Variants in SFMBT2 observed in about 807,000 individuals in gnomAD.
SFMBT2 encodes the protein scm-like with four MBT domains protein 2.
Under a neutral mutation model 110.1 loss-of-function variants are expected in SFMBT2, and 38 were observed. That is an observed-to-expected ratio of 0.35 (90% confidence interval 0.27 to 0.45). The LOEUF is 0.45. SFMBT2 is among the 20% of genes least tolerant of loss of function. The pLI, the probability that SFMBT2 is intolerant of heterozygous loss-of-function variation, is 1.00. For synonymous variants in SFMBT2, 425 were observed against 425.4 expected (o/e 1.00, Z 0.01); for missense variants, 1,011 against 1,094.9 (o/e 0.92, Z 1.08).
chr10:7,289,868 C>T (rs1287955800), intron 4 of SFMBT2, among the ~76,000 whole-genome samples: 1 of 152,158 alleles, frequency 6.6e-6, no homozygotes, highest in Non-Finnish European at 1.5e-5. Flanking sequence ...CCTTGCAAGT[C>T]CTTAGAATTC....
intron 4 of SFMBT2, among the ~76,000 whole-genome samples, chr10:7,290,306 ATTTTTT>A (rs2050262538): frequency 6.6e-6 from 1 of 151,976 alleles, no homozygotes; most frequent in African/African-American, 2.4e-5. Flanking sequence ...TCTCATGAAC[ATTTTTT>A]CAAGGTTTTA....
intron 20 of SFMBT2, among the ~76,000 whole-genome samples, chr10:7,165,794 T>C (rs973224715): frequency 9.2e-5 from 14 of 152,260 alleles, no homozygotes; most frequent in Non-Finnish European, 2.1e-4. Context: ...CCTTGCTCTA[T>C]AGTGCTCATA....
intron 12 of SFMBT2, chr10:7,203,664 A>T: frequency 1.0e-6 from 1 of 984,126 alleles, no homozygotes; most frequent in Non-Finnish European, 1.2e-6. Flanking sequence ...GACAACACTC[A>T]GGTTGGGGAG....
At chr10:7,295,114 T>C (rs975743288) in intron 4 of SFMBT2, 2 of 152,246 alleles carry the variant, frequency 1.3e-5, no homozygotes, top group Non-Finnish European at 1.5e-5. Flanking sequence ...CAAAATTACA[T>C]TGCATCCTGA....
rs181876882 is a variant in SFMBT2, at chr10:7,359,162, C to A, written c.436+8487G>T. Among the ~76,000 whole-genome samples the A allele has an allele frequency of 7.9e-5, 12 of 152,356 alleles. No individual in the cohort carries two copies. In the East Asian group the frequency reaches 1.9e-3, roughly 24 times the overall value. On this transcript the variant is annotated intron_variant, in intron 4 of 20. Transcript: ENST00000397167. ...TGCAGGCCGAGCTGTGCCCGGGGGC[C>A]TTGTCTGTGTAAAGCTGCCACGGGG...
chr10:7,216,372 T>C (rs1341725336), intron 11 of SFMBT2, among the ~76,000 whole-genome samples: 8 of 152,188 alleles, frequency 5.3e-5, no homozygotes, highest in Non-Finnish European at 1.5e-5. Flanking sequence ...TCTCACAAGA[T>C]CTGATGGTTT....
chr10:7,292,206 A>G (rs1423816660), intron 4 of SFMBT2: 1 of 242,012 alleles, frequency 4.1e-6, no homozygotes, highest in Non-Finnish European at 6.7e-6. Flanking sequence ...TCTCAACCAG[A>G]TGTCAGGTAG....
chr10:7,269,754 GTGTGTC>G (rs1377837368), intron 7 of SFMBT2, among the ~76,000 whole-genome samples: 102 of 137,628 alleles, frequency 7.4e-4, no homozygotes, highest in South Asian at 1.5e-3. Context: ...GTGTGTGTGT[GTGTGTC>G]TCTTTTTGGA....
intron 4 of SFMBT2, among the ~76,000 whole-genome samples, chr10:7,349,724 G>T (rs1844249594): frequency 6.6e-6 from 1 of 151,890 alleles, no homozygotes; most frequent in African/African-American, 2.4e-5. Context: ...CTCCCAAAGT[G>T]CTGGGATTAC....
chr10:7,326,442 A>G (rs1843386946), intron 4 of SFMBT2, among the ~76,000 whole-genome samples: 1 of 152,158 alleles, frequency 6.6e-6, no homozygotes, highest in Non-Finnish European at 1.5e-5. Flanking sequence ...CACATTCCCC[A>G]AAGCTCCTAA....
intron 7 of SFMBT2, among the ~76,000 whole-genome samples, chr10:7,263,880 CTT>C (rs1398722287): frequency 7.2e-5 from 11 of 152,322 alleles, no homozygotes; most frequent in East Asian, 3.9e-4. Flanking sequence ...GCTTCTCTCT[CTT>C]GGCCACATTT....
intron 6 of SFMBT2, among the ~76,000 whole-genome samples, chr10:7,280,404 T>C (rs1012295239): frequency 1.3e-5 from 2 of 151,848 alleles, no homozygotes; most frequent in Admixed American, 6.6e-5. Context: ...GAGGGGGTGA[T>C]AAAATAATTT....
At chr10:7,386,090 AT>A (rs1845596078) in intron 1 of SFMBT2, among the ~76,000 whole-genome samples, 1 of 152,218 alleles carries the variant, frequency 6.6e-6, no homozygotes, top group East Asian at 1.9e-4. Context: ...GGAAAAAATA[AT>A]AAAAAGCGAG....
intron 16 of SFMBT2, among the ~76,000 whole-genome samples, chr10:7,181,721 C>G (rs1201146099): frequency 1.3e-5 from 2 of 152,108 alleles, no homozygotes; most frequent in African/African-American, 4.8e-5. Context: ...CCAACTCCAA[C>G]CTGAACCAAT....
At chr10:7,392,491 G>C (rs1172020671) in intron 1 of SFMBT2, among the ~76,000 whole-genome samples, 1 of 151,882 alleles carries the variant, frequency 6.6e-6, no homozygotes, top group Non-Finnish European at 1.5e-5. Context: ...CTCCAGCCTG[G>C]ACAAAGAGCG....
In SFMBT2 at chr10:7,277,114, C is replaced by T. The variant is rs1476975732; in HGVS notation, c.773-125G>A. ...CACGGTCAGTGACCGTGAGTGTTCA[C>T]ACCCCATACCCACCATGAGCAGCCA... On this transcript the variant is annotated intron_variant, in intron 6 of 20. Transcript: ENST00000397167. The T allele has an allele frequency of 1.9e-5, 12 of 624,146 alleles. No individual in the cohort carries two copies. The East Asian group carries it at 3.4e-4, about 18-fold the overall frequency. The allele number at this position is 624,146 out of a possible 1,614,324, so 38.7% of individuals were successfully genotyped here.
chr10:7,295,636 A>C (rs1172551680), intron 4 of SFMBT2, among the ~76,000 whole-genome samples: 1 of 152,102 alleles, frequency 6.6e-6, no homozygotes, highest in Non-Finnish European at 1.5e-5. Flanking sequence ...TTTATTTTTT[A>C]TTTTTTTGTA....
chr10:7,289,688 T>C (rs1435439360), intron 4 of SFMBT2, among the ~76,000 whole-genome samples: 2 of 152,250 alleles, frequency 1.3e-5, no homozygotes, highest in African/African-American at 2.4e-5. Context: ...AGAAAAACTA[T>C]ATCAGTTAAC....
intron 7 of SFMBT2, chr10:7,264,095 G>C (rs1347743816): frequency 4.1e-6 from 1 of 244,080 alleles, no homozygotes; most frequent in African/African-American, 2.3e-5. Context: ...ATGCAGGGAA[G>C]GTCTTTATTT....
Sources: allele counts gnomAD v4.1 joint callset (sites outside exome capture counted in the v4.1 genomes callset), GRCh38; gene constraint gnomAD v4.1.1; transcripts MANE v1.5; gene names NCBI Gene and HGNC (gene_info 2026-07-23, HGNC 2026-07-21).